FUT8: variants seen among roughly 807,000 people sequenced by gnomAD.
FUT8 encodes the protein alpha-(1,6)-fucosyltransferase.
In FUT8, 29 loss-of-function variants were observed where a neutral mutation model predicts 71.3. That is an observed-to-expected ratio of 0.41 (90% CI 0.30 to 0.55). The LOEUF is 0.55. FUT8 is among the 20% of genes least tolerant of loss of function. The probability of loss-of-function intolerance (pLI) is 0.34; values close to 1 mark genes in which losing one functional copy is unlikely to be tolerated. For synonymous variants in FUT8, 254 were observed against 239.3 expected (o/e 1.06, Z -0.57); for missense variants, 544 against 702.1 (o/e 0.77, Z 2.55).
At chr14:65,508,207 A>G (rs1882060190) in intron 2 of FUT8, among the ~76,000 whole-genome samples, 1 of 151,408 alleles carries the variant, frequency 6.6e-6, no homozygotes, top group Non-Finnish European at 1.5e-5. Flanking sequence ...AGCTGGGACT[A>G]CAGGCACACA....
At chr14:65,677,152 G>GTGTGTGTGTGTGCGCGCA (rs1555383261) in intron 7 of FUT8, among the ~76,000 whole-genome samples, 1 of 59,480 alleles carries the variant, frequency 1.7e-5, no homozygotes, top group Non-Finnish European at 4.6e-5. Context: ...GTGTGTGTGT[G>GTGTGTGTGTGTGCGCGCA]CGCGCGCGCA....
At chr14:65,418,264 T>C (rs2065246484) in intron 1 of FUT8, among the ~76,000 whole-genome samples, 1 of 152,198 alleles carries the variant, frequency 6.6e-6, no homozygotes. Flanking sequence ...AAAATGAACC[T>C]GTGTATCTGT....
rs764955676 is a variant in FUT8 at position 65,616,107 on chromosome 14, C to T, written c.319+14C>T. 2.5e-6 allele frequency: 4 copies of T among 1,608,784 alleles called. No individual in the cohort carries two copies. Among genetic ancestry groups the T allele is most frequent in the East Asian group, 2.2e-5 (1 of 44,802 alleles). On this transcript the variant is annotated intron_variant, in intron 4 of 10. Coordinates refer to ENST00000673929, the MANE Select transcript of FUT8 (RefSeq NM_001371533.1). ...AGACCAGAAATGGTAGGTGATTATA[C>T]AGTGTTTTCCCCTCCTCAGTATATG...
intron 7 of FUT8, among the ~76,000 whole-genome samples, chr14:65,686,709 CA>C (rs1893303302): frequency 6.6e-6 from 1 of 152,084 alleles, no homozygotes; most frequent in South Asian, 2.1e-4. Context: ...TAGCAAAGAA[CA>C]AGAAACTGTT....
intron 2 of FUT8, among the ~76,000 whole-genome samples, chr14:65,475,708 T>C (rs1407193172): frequency 6.6e-6 from 1 of 152,034 alleles, no homozygotes; most frequent in African/African-American, 2.4e-5. Context: ...GGCTGAGCTC[T>C]ACCATATAGA....
intron 3 of FUT8, among the ~76,000 whole-genome samples, chr14:65,595,907 C>T (rs1887955706): frequency 1.5e-4 from 23 of 152,148 alleles, no homozygotes; most frequent in Admixed American, 1.5e-3. Flanking sequence ...CCACGCGCGG[C>T]CCACACCATC....
chr14:65,588,207 G>A (rs1420936725), intron 3 of FUT8, among the ~76,000 whole-genome samples: 1 of 151,840 alleles, frequency 6.6e-6, no homozygotes, highest in African/African-American at 2.4e-5. Flanking sequence ...TGTACCCTAT[G>A]CTCTAGCCAT....
rs528057601 is a variant in FUT8 at position 65,429,473 on chromosome 14, A to C, written c.-326+16259A>C. Among the ~76,000 whole-genome samples the C allele has an allele frequency of 3.5e-3, 531 of 152,348 alleles. 2 individuals carry two copies. Among genetic ancestry groups the C allele is most frequent in the African/African-American group, 0.012 (504 of 41,584 alleles). On this transcript the variant is annotated intron_variant, in intron 1 of 10. Transcript: ENST00000673929. ...TGTTCAAAAGTAGCATTTCCAATGT[A>C]GGTAAACCACTTTTTGATAACAAAT...
chr14:65,365,814 T>C, the FUT8 span, among the ~76,000 whole-genome samples: 99 of 151,972 alleles, frequency 6.5e-4, no homozygotes, highest in African/African-American at 2.4e-3. Flanking sequence ...GCCTATGGAG[T>C]AGCATTCTTA....
chr14:65,416,974 T>C (rs532931190), intron 1 of FUT8, among the ~76,000 whole-genome samples: 1 of 152,180 alleles, frequency 6.6e-6, no homozygotes, highest in South Asian at 2.1e-4. Context: ...TTTGTAGAGA[T>C]GAGACCTTGG....
At chr14:65,625,596 C>G (rs2140251304) in intron 5 of FUT8, among the ~76,000 whole-genome samples, 1 of 152,266 alleles carries the variant, frequency 6.6e-6, no homozygotes, top group East Asian at 1.9e-4. Flanking sequence ...GGCCTCTTGC[C>G]TGTTTTAAAA....
At chr14:65,464,439 T>C (rs536350522) in intron 2 of FUT8, among the ~76,000 whole-genome samples, 1 of 152,280 alleles carries the variant, frequency 6.6e-6, no homozygotes, top group South Asian at 2.1e-4. Context: ...TTGTTCCTGA[T>C]CCTACGGGGA....
chr14:65,523,968 T>G (rs1261129681), intron 2 of FUT8, among the ~76,000 whole-genome samples: 1 of 152,240 alleles, frequency 6.6e-6, no homozygotes, highest in African/African-American at 2.4e-5. Flanking sequence ...CTGTTTTGGT[T>G]ACTGTAGCCT....
At chr14:65,733,478 TA>T in intron 10 of FUT8, 97 bp downstream of exon 10, 1 of 891,526 alleles carries the variant, frequency 1.1e-6, no homozygotes, top group East Asian at 2.8e-5. Flanking sequence ...TAATGTTCAT[TA>T]TTGTGACTCA....
At chr14:65,573,068 G>A (rs2140087002) in intron 3 of FUT8, among the ~76,000 whole-genome samples, 1 of 152,272 alleles carries the variant, frequency 6.6e-6, no homozygotes, top group South Asian at 2.1e-4. Context: ...GTAAAAGGCT[G>A]TCTTGTCATA....
At chr14:65,558,280 C>A (rs571650408) in intron 2 of FUT8, among the ~76,000 whole-genome samples, 1 of 147,664 alleles carries the variant, frequency 6.8e-6, no homozygotes, top group African/African-American at 2.5e-5. Flanking sequence ...TGTAGTGAGC[C>A]GAGATTGTGC....
intron 7 of FUT8, among the ~76,000 whole-genome samples, chr14:65,717,345 G>A (rs1895154655): frequency 6.8e-6 from 1 of 146,836 alleles, no homozygotes; most frequent in African/African-American, 2.5e-5. Flanking sequence ...GGGCAGCCGG[G>A]CAGAGACGCT....
At chr14:65,677,152 G>GTGTGTGCGCGCGCGCGCGCA (rs1555383261) in intron 7 of FUT8, among the ~76,000 whole-genome samples, 2 of 59,480 alleles carry the variant, frequency 3.4e-5, no homozygotes, top group Non-Finnish European at 9.1e-5. Flanking sequence ...GTGTGTGTGT[G>GTGTGTGCGCGCGCGCGCGCA]CGCGCGCGCA....
rs1461484638 is a variant in FUT8, at chr14:65,696,272, G to A, written c.836-25503G>A. On this transcript the variant is annotated intron_variant, in intron 7 of 10. Transcript: ENST00000673929. ...AACAAATTTCCTGTTTTGTTTATCT[G>A]AGAAATTCTTAATTATCCTTCAAAA... Among the ~76,000 whole-genome samples, 3 of 152,264 alleles carry A rather than the reference G, an allele frequency of 2.0e-5. No individual in the cohort carries two copies. The East Asian group carries it at 5.8e-4, about 29-fold the overall frequency.
Sources: allele counts gnomAD v4.1 joint callset (sites outside exome capture counted in the v4.1 genomes callset), GRCh38; gene constraint gnomAD v4.1.1; transcripts MANE v1.5; gene names NCBI Gene and HGNC (gene_info 2026-07-23, HGNC 2026-07-21).